The following EPHA5 variants were observed in gnomAD, a reference collection of about 807,000 sequenced individuals.
EPHA5 encodes EPH receptor A5.
A neutral mutation model predicts 105.0 loss-of-function variants in EPHA5; 60 were observed. The observed-to-expected ratio is 0.57, with a 90% CI of 0.46 to 0.71. EPHA5 has a LOEUF of 0.71. EPHA5 is among the 30% of genes least tolerant of loss of function. The pLI is 0.00. For missense variants in EPHA5, 1,218 were observed against 1,274.7 expected (o/e 0.96, Z 0.68); for synonymous variants, 513 against 449.1 (o/e 1.14, Z -1.80).
chr4:65,494,508 C>G (rs1731725491), intron 4 of EPHA5, among the ~76,000 whole-genome samples: 1 of 152,156 alleles, frequency 6.6e-6, no homozygotes, highest in Non-Finnish European at 1.5e-5. Flanking sequence ...GCTACAGAGA[C>G]TTTCTTATGG....
intron 3 of EPHA5, among the ~76,000 whole-genome samples, chr4:65,550,269 A>G (rs925980699): frequency 1.3e-5 from 2 of 152,120 alleles, no homozygotes; most frequent in African/African-American, 4.8e-5. Context: ...CATGTATAGT[A>G]GTGGAGGGGT....
At chr4:65,377,023 C>T (rs777294375) in intron 8 of EPHA5, 39 of 1,608,618 alleles carry the variant, frequency 2.4e-5, no homozygotes, top group Admixed American at 3.4e-5. Flanking sequence ...TGGGCAACAG[C>T]GCACAGGGAA....
chr4:65,600,242 C>A (rs1483329509), intron 3 of EPHA5, among the ~76,000 whole-genome samples: 1 of 152,116 alleles, frequency 6.6e-6, no homozygotes, highest in Non-Finnish European at 1.5e-5. Context: ...TAGAACATTT[C>A]TTTAATTCCA....
At chr4:65,467,654 A>G (rs1441157708) in intron 5 of EPHA5, among the ~76,000 whole-genome samples, 1 of 152,192 alleles carries the variant, frequency 6.6e-6, no homozygotes, top group Non-Finnish European at 1.5e-5. Flanking sequence ...CCACAGAGCC[A>G]TTGTTGTAGG....
At chr4:65,545,041 C>A (rs762286880) in intron 3 of EPHA5, among the ~76,000 whole-genome samples, 6 of 151,408 alleles carry the variant, frequency 4.0e-5, no homozygotes, top group Non-Finnish European at 8.9e-5. Flanking sequence ...AAAGTATATT[C>A]ATTATGGAAA....
Position 65,635,755 on chromosome 4 carries a change from T to C in EPHA5, c.246+7608A>G, listed in dbSNP as rs75208978. Reference sequence around the variant, plus strand: ...ATTATGTTCACATAAAGGCTTAGACTATATAAATTAATCAATACAAAATGT... The same window carrying C: ...ATTATGTTCACATAAAGGCTTAGACCATATAAATTAATCAATACAAAATGT... On this transcript the variant is annotated intron_variant, in intron 2 of 16. Coordinates refer to ENST00000613740, the MANE Select transcript of EPHA5 (RefSeq NM_001281766.3). Among the ~76,000 whole-genome samples, 368 of 152,296 alleles carry C rather than the reference T, an allele frequency of 2.4e-3. 5 individuals are homozygous for C. Among genetic ancestry groups the C allele is most frequent in the African/African-American group, 8.1e-3 (335 of 41,574 alleles).
chr4:65,585,469 A>G (rs138317614), intron 3 of EPHA5, among the ~76,000 whole-genome samples: 1,972 of 151,998 alleles, frequency 0.013, 18 homozygotes, highest in Non-Finnish European at 0.021. Flanking sequence ...ATATTTACCA[A>G]GAGTGTTTTA....
chr4:65,409,574 A>G (rs1170810177), intron 7 of EPHA5, among the ~76,000 whole-genome samples: 1 of 152,088 alleles, frequency 6.6e-6, no homozygotes, highest in Non-Finnish European at 1.5e-5. Context: ...TTATTGCCTC[A>G]GCTATATGTG....
chr4:65,499,849 G>C (rs1732304358), intron 3 of EPHA5, among the ~76,000 whole-genome samples: 1 of 148,144 alleles, frequency 6.8e-6, no homozygotes, highest in Non-Finnish European at 1.5e-5. Flanking sequence ...TTTTGAAAAA[G>C]CTTGTAGTCC....
intron 3 of EPHA5, among the ~76,000 whole-genome samples, chr4:65,596,647 A>G (rs188744790): frequency 1.5e-4 from 22 of 151,044 alleles, no homozygotes; most frequent in African/African-American, 5.1e-4. Flanking sequence ...TGATTTGACT[A>G]CTTAATTGCC....
chr4:65,647,109 A>G (rs915345401), intron 1 of EPHA5, among the ~76,000 whole-genome samples: 8 of 151,942 alleles, frequency 5.3e-5, no homozygotes, highest in African/African-American at 1.9e-4. Flanking sequence ...CGGGTGGATC[A>G]TGAGGTTAGG....
At chr4:65,540,394 T>A (rs1203721772) in intron 3 of EPHA5, among the ~76,000 whole-genome samples, 2 of 147,104 alleles carry the variant, frequency 1.4e-5, no homozygotes, top group African/African-American at 5.3e-5. Context: ...CAGCAACCAT[T>A]TTTTTTTCCC....
chr4:65,506,103 T>G (rs949310246), intron 3 of EPHA5, among the ~76,000 whole-genome samples: 1 of 152,136 alleles, frequency 6.6e-6, no homozygotes, highest in Non-Finnish European at 1.5e-5. Flanking sequence ...ATGTGGTGCT[T>G]GGTCTTTTGT....
intron 3 of EPHA5, among the ~76,000 whole-genome samples, chr4:65,542,907 G>C (rs982455383): frequency 5.3e-5 from 8 of 152,024 alleles, no homozygotes; most frequent in African/African-American, 1.7e-4. Flanking sequence ...GGGATGCAAG[G>C]CTGGTTCAAT....
intron 3 of EPHA5, among the ~76,000 whole-genome samples, chr4:65,507,588 T>A (rs929572597): frequency 1.3e-5 from 2 of 152,198 alleles, no homozygotes; most frequent in Non-Finnish European, 2.9e-5. Flanking sequence ...TTCACATCCC[T>A]TGTAAGTTGG....
At chr4:65,656,576 T>TTATA (rs1022997072) in intron 1 of EPHA5, among the ~76,000 whole-genome samples, 1 of 147,550 alleles carries the variant, frequency 6.8e-6, no homozygotes, top group Admixed American at 6.8e-5. Context: ...ATGTAGCATT[T>TTATA]TATATATATA....
chr4:65,526,325 C>A (rs962837950), intron 3 of EPHA5, among the ~76,000 whole-genome samples: 2 of 151,728 alleles, frequency 1.3e-5, no homozygotes, highest in South Asian at 4.1e-4. Flanking sequence ...ACAAATAGTT[C>A]AAGGTCTAGA....
intron 2 of EPHA5, among the ~76,000 whole-genome samples, chr4:65,605,961 A>G (rs1319988337): frequency 6.6e-6 from 1 of 152,174 alleles, no homozygotes. Flanking sequence ...TAAGAAATTG[A>G]AGACCAGACC....
At chr4:65,453,034 G>A (rs1161479255) in intron 5 of EPHA5, among the ~76,000 whole-genome samples, 1 of 152,092 alleles carries the variant, frequency 6.6e-6, no homozygotes, top group African/African-American at 2.4e-5. Context: ...TAGTGACTCA[G>A]AATTATTATA....
Sources: allele counts gnomAD v4.1 joint callset (sites outside exome capture counted in the v4.1 genomes callset), GRCh38; gene constraint gnomAD v4.1.1; transcripts MANE v1.5; gene names NCBI Gene and HGNC (gene_info 2026-07-23, HGNC 2026-07-21).